Variants in YIPF1 observed in about 807,000 individuals in gnomAD.
YIPF1 encodes the protein Yip1 domain family member 1.
Under a neutral mutation model 37.0 loss-of-function variants are expected in YIPF1, and 22 were observed. The ratio of observed to expected loss-of-function variants is 0.59; its 90% CI spans 0.42 to 0.85. The LOEUF (loss-of-function observed/expected upper bound fraction) is 0.85. Among genes scored for constraint, YIPF1 ranks in the 40% least tolerant of loss-of-function variants. The pLI, the probability that YIPF1 is intolerant of heterozygous loss-of-function variation, is 0.00. For synonymous variants in YIPF1, 128 were observed against 131.9 expected (o/e 0.97, Z 0.21); for missense variants, 355 against 373.1 (o/e 0.95, Z 0.40).
chr1:53,878,320 A>C lies in YIPF1; in HGVS notation c.359T>G (p.Leu120Arg), dbSNP rs753860946. The change falls in exon 6 of 11, where the codon CTC (leucine) becomes CGC (arginine). Residue 120 changes from leucine to arginine, a missense_variant. Leu to Arg is a moderately radical substitution (Grantham distance 102). Coordinates refer to ENST00000072644, the MANE Select transcript of YIPF1 (RefSeq NM_018982.5). Reference protein sequence around the residue: ...VRLYIRSNPDLYGPFWICATL... With the variant: ...VRLYIRSNPDRYGPFWICATL... ...CAAATCAGTACTAAACATACCATAG[A>C]GATCTGGATTGCTGCGGATATATAA... 6.8e-6 allele frequency: 11 copies of C among 1,613,942 alleles called. No homozygotes were observed. Among genetic ancestry groups the C allele is most frequent in the Non-Finnish European group, 9.3e-6 (11 of 1,179,898 alleles).
rs1426172051 is a variant in YIPF1, at chr1:53,866,839, T to C, written c.567A>G (p.Lys189=). The C allele has an allele frequency of 5.0e-6, 8 of 1,614,180 alleles. No homozygotes were observed. Among genetic ancestry groups the C allele is most frequent in the Non-Finnish European group, 6.8e-6 (8 of 1,180,038 alleles). ...LWGFLMWRNS[K]VMNIVSYSFL... ...ATGAATAGGAGACGATGTTCATAAC[T>C]TTGCTGTTTCTCCACATGAGGAAAC... Residue 189 remains lysine (K), a synonymous_variant, in exon 8 of 11, where the codon AAA becomes AAG. Coordinates refer to ENST00000072644, the MANE Select transcript of YIPF1 (RefSeq NM_018982.5).
chr1:53,878,722 A>G lies in YIPF1; in HGVS notation c.196T>C (p.Leu66=). The G allele has an allele frequency of 6.3e-7, 1 of 1,591,030 alleles. No homozygotes were observed. Among genetic ancestry groups the G allele is most frequent in the Non-Finnish European group, 8.5e-7 (1 of 1,175,010 alleles). Residue 66 remains leucine (L), a splice_region_variant and synonymous_variant, in exon 5 of 11, where the codon TTA becomes CTA. Coordinates refer to ENST00000072644, the MANE Select transcript of YIPF1 (RefSeq NM_018982.5). ...LGNDDSDKTE[L]LAGQKKSSPF... ...GAGCTTTTCTTCTGTCCAGCAAGTA[A>G]CTGTCAGAAATAAAATAAAACATAA...
intron 2 of YIPF1, 70 bp from the exon 3 acceptor site, chr1:53,889,056 T>A: frequency 1.3e-6 from 1 of 796,828 alleles, no homozygotes; most frequent in Non-Finnish European, 2.1e-6. Flanking sequence ...TCTTATGTAT[T>A]AGAAATGGTA....
Position 53,878,647 on chromosome 1 carries a change from A to G in YIPF1, c.271T>C (p.Tyr91His). ...GGTGAAATTGGTTTCCAAACCTGGT[A>G]GGTGTCCACATCAAAGAATGTTTGG... is the stretch of plus-strand genomic sequence containing the variant. ...YYQTFFDVDT[Y>H]QVFDRIKGSL... Residue 91 changes from tyrosine (Y) to histidine (H), a missense_variant, in exon 5 of 11, where the codon TAC becomes CAC. Transcript: ENST00000072644. 1 of 1,603,120 alleles carries G rather than the reference A, an allele frequency of 6.2e-7. No homozygotes were observed. The highest frequency in any genetic ancestry group is 8.5e-7 in the Non-Finnish European group (1 of 1,177,824).
intron 10 of YIPF1, among the ~76,000 whole-genome samples, chr1:53,859,074 A>G (rs1374417815): frequency 3.9e-5 from 6 of 152,210 alleles, no homozygotes; most frequent in African/African-American, 1.4e-4. Flanking sequence ...CTGCAGCAAG[A>G]TCATGTGCAG....
chr1:53,879,652 G>T (rs1022310747), intron 4 of YIPF1, among the ~76,000 whole-genome samples: 3 of 152,188 alleles, frequency 2.0e-5, no homozygotes, highest in Non-Finnish European at 2.9e-5. Context: ...AATTCATACA[G>T]CAAAAAGTAC....
chr1:53,872,518 A>C (rs1343025074), intron 6 of YIPF1, among the ~76,000 whole-genome samples: 1 of 152,246 alleles, frequency 6.6e-6, no homozygotes, highest in African/African-American at 2.4e-5. Context: ...GATTTCGTGA[A>C]CACTATCCTT....
At chr1:53,859,218 T>C (rs1454147621) in intron 10 of YIPF1, among the ~76,000 whole-genome samples, 4 of 152,292 alleles carry the variant, frequency 2.6e-5, no homozygotes, top group South Asian at 2.1e-4. Context: ...TGGGGAGACA[T>C]TGTAGTATAC....
At chr1:53,875,796 C>T (rs1293625970) in intron 6 of YIPF1, among the ~76,000 whole-genome samples, 4 of 152,214 alleles carry the variant, frequency 2.6e-5, no homozygotes, top group Admixed American at 2.0e-4. Context: ...ACATAAATCA[C>T]TCCCAATTAC....
At position 53,870,050 on chromosome 1, in the gene YIPF1, C is replaced by T. The variant is rs187075327; in HGVS notation, c.481+1322G>A. Among the ~76,000 whole-genome samples, 255 of 151,236 alleles carry T rather than the reference C, an allele frequency of 1.7e-3. 1 individual carries two copies. Among genetic ancestry groups the T allele is most frequent in the Non-Finnish European group, 1.7e-3 (118 of 67,804 alleles). On this transcript the variant is annotated intron_variant, in intron 7 of 10. Transcript: ENST00000072644. Reference sequence around the variant, plus strand: ...GATAATTTTTTATTTTTAGTAGAGACGGGTTTCACCATGTTGGTCAGACTG... The same window carrying T: ...GATAATTTTTTATTTTTAGTAGAGATGGGTTTCACCATGTTGGTCAGACTG...
At chr1:53,874,366 A>G (rs1406099578) in intron 6 of YIPF1, among the ~76,000 whole-genome samples, 2 of 152,212 alleles carry the variant, frequency 1.3e-5, no homozygotes, top group African/African-American at 4.8e-5. Context: ...GGTTGTATTT[A>G]TAATTAAAAT....
chr1:53,861,714 A>T (rs1302236901), intron 9 of YIPF1, among the ~76,000 whole-genome samples: 1 of 149,664 alleles, frequency 6.7e-6, no homozygotes, highest in Admixed American at 6.6e-5. Flanking sequence ...GGGAGGGAAG[A>T]AAAGTAAATA....
intron 6 of YIPF1, among the ~76,000 whole-genome samples, chr1:53,875,685 A>G (rs1387673817): frequency 1.3e-5 from 2 of 152,268 alleles, no homozygotes; most frequent in South Asian, 4.2e-4. Context: ...TCCAGTCGCA[A>G]TAGCCTCTTG....
At chr1:53,868,044 C>A (rs981085205) in intron 7 of YIPF1, among the ~76,000 whole-genome samples, 8 of 152,196 alleles carry the variant, frequency 5.3e-5, no homozygotes, top group African/African-American at 1.9e-4. Flanking sequence ...TTGGCAAGAA[C>A]AAAGACACCC....
chr1:53,882,547 C>T (rs10788966), intron 4 of YIPF1, among the ~76,000 whole-genome samples: 93,273 of 151,530 alleles, frequency 0.62, 29,332 homozygotes, highest in East Asian at 0.86. Flanking sequence ...AACCTCTACT[C>T]CCCAAGCTCA....
chr1:53,865,550 A>T (rs12760739), intron 9 of YIPF1, among the ~76,000 whole-genome samples: 1 of 152,152 alleles, frequency 6.6e-6, no homozygotes, highest in Admixed American at 6.5e-5. Flanking sequence ...GAACTTGAGC[A>T]TCCATGCTTT....
At chr1:53,862,711 C>A (rs760370457) in intron 9 of YIPF1, among the ~76,000 whole-genome samples, 17 of 152,202 alleles carry the variant, frequency 1.1e-4, no homozygotes, top group Non-Finnish European at 2.1e-4. Flanking sequence ...AATAACTCCC[C>A]TGCCAGTTCC....
In YIPF1 at chr1:53,866,826, C is replaced by T. The variant is rs1489172422; in HGVS notation, c.580G>A (p.Val194Ile). 54 of 1,613,974 alleles carry T rather than the reference C, an allele frequency of 3.3e-5. No homozygotes were observed. The highest frequency in any genetic ancestry group is 5.3e-5 in the African/African-American group (4 of 74,892). The stretch of plus-strand genomic sequence containing the variant: ...ACAATCTCCAGAAATGAATAGGAGA[C>T]GATGTTCATAACTTTGCTGTTTCTC... The part of the protein sequence containing the change: ...MWRNSKVMNI[V>I]SYSFLEIVCV... Residue 194 changes from valine to isoleucine, a missense_variant, in exon 8 of 11, where the codon GTC becomes ATC. Physicochemically the swap from Val to Ile is conservative, Grantham distance 29. Coordinates refer to ENST00000072644, the MANE Select transcript of YIPF1 (RefSeq NM_018982.5).
Position 53,871,465 on chromosome 1 carries a change from A to G in YIPF1, c.388T>C (p.Leu130=), listed in dbSNP as rs1248802828. Reference sequence around the variant, plus strand: ...CCACTAATTGCTATGGCAAAGACCAACGTGGCACATATCCAAAAGGGGCCT... The same window carrying G: ...CCACTAATTGCTATGGCAAAGACCAGCGTGGCACATATCCAAAAGGGGCCT... ...LYGPFWICAT[L]VFAIAISGNL... The change falls in exon 7 of 11, where the codon TTG becomes CTG. Residue 130 remains leucine, a synonymous_variant. Coordinates refer to ENST00000072644, the MANE Select transcript of YIPF1 (RefSeq NM_018982.5). 1.2e-6 allele frequency: 2 copies of G among 1,613,958 alleles called. No individual in the cohort carries two copies. The highest frequency in any genetic ancestry group is 1.7e-6 in the Non-Finnish European group (2 of 1,179,946).
Sources: allele counts gnomAD v4.1 joint callset (sites outside exome capture counted in the v4.1 genomes callset), GRCh38; gene constraint gnomAD v4.1.1; transcripts MANE v1.5; gene names NCBI Gene and HGNC (gene_info 2026-07-23, HGNC 2026-07-21).